KCTD16: variants seen among roughly 807,000 people sequenced by gnomAD.
KCTD16 encodes the protein BTB/POZ domain-containing protein KCTD16.
A neutral mutation model predicts 33.2 loss-of-function variants in KCTD16; 13 were observed. The observed-to-expected ratio is 0.39, with a 90% CI of 0.25 to 0.62. The LOEUF (loss-of-function observed/expected upper bound fraction) is 0.62, where lower values mean the gene tolerates loss of function less well. Ranked by LOEUF, KCTD16 falls within the 20% of genes least tolerant of loss-of-function variation. KCTD16 has a pLI of 0.50. For synonymous variants in KCTD16, 197 were observed against 195.3 expected, an observed-to-expected ratio of 1.01 and a Z score of -0.07; for missense variants, 441 against 525.1, an observed-to-expected ratio of 0.84 and a Z score of 1.57.
intron 3 of KCTD16, among the ~76,000 whole-genome samples, chr5:144,351,532 A>T (rs753347386): frequency 1.6e-4 from 25 of 152,190 alleles, no homozygotes; most frequent in Non-Finnish European, 3.4e-4. Context: ...TATGTGACCC[A>T]ACAATCTCAC....
intron 3 of KCTD16, among the ~76,000 whole-genome samples, chr5:144,459,332 C>T (rs1003707698): frequency 2.6e-5 from 4 of 152,044 alleles, no homozygotes; most frequent in African/African-American, 9.7e-5. Flanking sequence ...AATTCTTGCT[C>T]ATCTATAATC....
At chr5:144,441,179 T>G (rs948685811) in intron 3 of KCTD16, among the ~76,000 whole-genome samples, 3 of 152,164 alleles carry the variant, frequency 2.0e-5, no homozygotes, top group African/African-American at 7.2e-5. Context: ...ATCAGATGTA[T>G]GATGTGTGAA....
At position 144,299,121 on chromosome 5, in the gene KCTD16, TATATATATATATATATATATATATATA is replaced by T. The variant is rs1561558548; in HGVS notation, c.832+91576_832+91602del. ...GTATATATATATATATATATATATA[TATATATATATATATATATATATATATA>T]TTTTTTTTTTTTTTTTTAACCTGTC... On this transcript the variant is annotated intron_variant, in intron 3 of 3. Transcript: ENST00000512467. Among the ~76,000 whole-genome samples the T allele has an allele frequency of 3.9e-3, 81 of 20,754 alleles. 5 individuals carry two copies. The highest frequency in any genetic ancestry group is 0.03 in the African/African-American group (63 of 2,100). The allele number at this position is 20,754 out of a possible 152,430, so 13.6% of individuals were successfully genotyped here. A position where few individuals can be genotyped will look rare whatever the true frequency, so the allele number is the denominator to read the frequency against.
chr5:144,338,097 G>A (rs933014885), intron 3 of KCTD16, among the ~76,000 whole-genome samples: 6 of 152,098 alleles, frequency 3.9e-5, no homozygotes, highest in African/African-American at 1.4e-4. Flanking sequence ...AAGTAAGCTC[G>A]GACTTTCTTC....
rs147468377 is a variant in KCTD16 at position 144,359,908 on chromosome 5, A to G, written c.833-113752A>G. ...AAATGTGCATTTTCTGGTAGAGAAG[A>G]TCTGTGATTTTAATCTGATTCTCAA... On this transcript the variant is annotated intron_variant, in intron 3 of 3. Coordinates refer to ENST00000512467, the MANE Select transcript of KCTD16 (RefSeq NM_020768.4). 6.4e-3 allele frequency among the ~76,000 whole-genome samples: 970 copies of G among 152,142 alleles called. 10 individuals carry two copies. Among genetic ancestry groups the G allele is most frequent in the African/African-American group, 0.022 (905 of 41,500 alleles).
At chr5:144,349,797 A>G (rs1023597253) in intron 3 of KCTD16, among the ~76,000 whole-genome samples, 3 of 152,096 alleles carry the variant, frequency 2.0e-5, no homozygotes, top group African/African-American at 4.8e-5. Flanking sequence ...ATCACACTCT[A>G]TCACATTCAA....
At chr5:144,296,828 C>G (rs1756050782) in intron 3 of KCTD16, among the ~76,000 whole-genome samples, 1 of 152,204 alleles carries the variant, frequency 6.6e-6, no homozygotes, top group Non-Finnish European at 1.5e-5. Flanking sequence ...TTCTCTTCCC[C>G]ACCTTTTGTA....
intron 3 of KCTD16, among the ~76,000 whole-genome samples, chr5:144,210,814 C>T (rs1442816987): frequency 6.6e-6 from 1 of 152,148 alleles, no homozygotes; most frequent in Non-Finnish European, 1.5e-5. Context: ...TTCCATAAGC[C>T]TACTCATGAG....
chr5:144,245,299 T>TTAATA (rs1244785591), intron 3 of KCTD16, among the ~76,000 whole-genome samples: 1 of 152,076 alleles, frequency 6.6e-6, no homozygotes, highest in Non-Finnish European at 1.5e-5. Flanking sequence ...GAAGACTATT[T>TTAATA]TAATATAAGA....
At chr5:144,234,229 G>T (rs1754184502) in intron 3 of KCTD16, among the ~76,000 whole-genome samples, 1 of 152,104 alleles carries the variant, frequency 6.6e-6, no homozygotes, top group African/African-American at 2.4e-5. Flanking sequence ...AAGACAAATT[G>T]TTCAAACCTC....
intron 3 of KCTD16, among the ~76,000 whole-genome samples, chr5:144,300,594 T>C (rs1162743143): frequency 6.6e-6 from 1 of 152,188 alleles, no homozygotes; most frequent in Non-Finnish European, 1.5e-5. Flanking sequence ...ACTTGTTGAT[T>C]ATCCAACTCA....
intron 2 of KCTD16, among the ~76,000 whole-genome samples, chr5:144,199,707 ATTTTT>A (rs574670606): frequency 1.5e-5 from 1 of 67,738 alleles, no homozygotes; most frequent in African/African-American, 6.0e-5. Context: ...GAACAGCTTC[ATTTTT>A]TTTTTTTTTT....
chr5:144,462,578 A>C (rs1754224138), intron 3 of KCTD16, among the ~76,000 whole-genome samples: 1 of 151,770 alleles, frequency 6.6e-6, no homozygotes, highest in Admixed American at 6.6e-5. Context: ...TAAAAAAAAA[A>C]AAAACAAAAA....
intron 3 of KCTD16, among the ~76,000 whole-genome samples, chr5:144,334,511 AG>A (rs1752432145): frequency 6.6e-6 from 1 of 152,202 alleles, no homozygotes; most frequent in Non-Finnish European, 1.5e-5. Context: ...TATGACAAAA[AG>A]TTGCCCTTCT....
chr5:144,259,623 G>C lies in KCTD16; in HGVS notation c.832+52077G>C, dbSNP rs370744133. On this transcript the variant is annotated intron_variant, in intron 3 of 3. Transcript: ENST00000512467. ...TTTGGATTCATCCTTTCTTTGCAGA[G>C]AAAGATATATTTTCTTAGGGCATAT... Among the ~76,000 whole-genome samples, 7 of 152,316 alleles carry C rather than the reference G, an allele frequency of 4.6e-5. No homozygotes were observed. The East Asian group carries it at 1.4e-3, about 29-fold the overall frequency.
intron 3 of KCTD16, among the ~76,000 whole-genome samples, chr5:144,397,346 C>T (rs1233098166): frequency 2.0e-5 from 3 of 151,992 alleles, no homozygotes; most frequent in Non-Finnish European, 4.4e-5. Flanking sequence ...GGGTTGGTTC[C>T]AAGTCTTTGC....
intron 3 of KCTD16, among the ~76,000 whole-genome samples, chr5:144,435,461 C>T (rs1238139425): frequency 6.6e-6 from 1 of 152,100 alleles, no homozygotes; most frequent in Admixed American, 6.6e-5. Flanking sequence ...CTACCTCATT[C>T]TTTTTCAAAG....
chr5:144,284,772 G>A (rs1238810183), intron 3 of KCTD16, among the ~76,000 whole-genome samples: 1 of 152,104 alleles, frequency 6.6e-6, no homozygotes, highest in Non-Finnish European at 1.5e-5. Context: ...AAAATCACTA[G>A]GAATTAGAAA....
At chr5:144,379,180 A>G (rs1007616092) in intron 3 of KCTD16, among the ~76,000 whole-genome samples, 2 of 152,120 alleles carry the variant, frequency 1.3e-5, no homozygotes, top group Admixed American at 1.3e-4. Flanking sequence ...TCTCCTGCCC[A>G]TAAGGTTTTC....
Sources: allele counts gnomAD v4.1 joint callset (sites outside exome capture counted in the v4.1 genomes callset), GRCh38; gene constraint gnomAD v4.1.1; transcripts MANE v1.5; gene names NCBI Gene and HGNC (gene_info 2026-07-23, HGNC 2026-07-21).